Variants in STK32A observed in about 807,000 individuals in gnomAD.
The protein encoded by STK32A is serine/threonine-protein kinase 32A.
Under a neutral mutation model 53.2 loss-of-function variants are expected in STK32A, and 41 were observed. The observed-to-expected ratio is 0.77, with a 90% CI of 0.60 to 1.00. The LOEUF (loss-of-function observed/expected upper bound fraction) is 1.00. Among genes scored for constraint, STK32A ranks in the 50% least tolerant of loss-of-function variants. The pLI, the probability that STK32A is intolerant of heterozygous loss-of-function variation, is 0.00. For missense variants in STK32A, 458 were observed against 485.8 expected, an observed-to-expected ratio of 0.94 and a Z score of 0.54; for synonymous variants, 166 against 162.8, an observed-to-expected ratio of 1.02 and a Z score of -0.15.
chr5:147,255,835 C>T (rs370451125), intron 2 of STK32A, among the ~76,000 whole-genome samples: 29 of 152,248 alleles, frequency 1.9e-4, no homozygotes, highest in South Asian at 1.2e-3. Flanking sequence ...TTGTCACTCA[C>T]CAAAATATTG....
intron 7 of STK32A, among the ~76,000 whole-genome samples, chr5:147,355,876 A>G (rs974549500): frequency 6.6e-6 from 1 of 151,700 alleles, no homozygotes; most frequent in Admixed American, 6.6e-5. Flanking sequence ...ATAGATATTT[A>G]TGGTTTATTT....
chr5:147,283,400 T>C (rs986288847), intron 4 of STK32A, among the ~76,000 whole-genome samples: 4 of 138,778 alleles, frequency 2.9e-5, no homozygotes, highest in African/African-American at 8.0e-5. Flanking sequence ...GAAACAAGAA[T>C]AAACCAAACC....
intron 11 of STK32A, among the ~76,000 whole-genome samples, chr5:147,380,466 C>A (rs1231079625): frequency 2.0e-5 from 3 of 148,640 alleles, no homozygotes; most frequent in Non-Finnish European, 4.4e-5. Context: ...ATTCTAATTC[C>A]TAGGTTAAAA....
intron 8 of STK32A, among the ~76,000 whole-genome samples, chr5:147,367,962 G>C (rs1756840699): frequency 1.3e-5 from 2 of 152,222 alleles, no homozygotes; most frequent in Admixed American, 1.3e-4. Flanking sequence ...CACAGAGGAA[G>C]TGTGCTAAAC....
intron 2 of STK32A, among the ~76,000 whole-genome samples, chr5:147,258,686 CTTT>C (rs55773750): frequency 6.7e-6 from 1 of 148,786 alleles, no homozygotes. Context: ...TCTCCCTCTC[CTTT>C]TTTTTTTTTA....
chr5:147,235,970 T>A (rs1401261695), intron 1 of STK32A, among the ~76,000 whole-genome samples: 2 of 152,240 alleles, frequency 1.3e-5, no homozygotes, highest in Admixed American at 6.5e-5. Context: ...CCCCTATTTT[T>A]AAAATATTTC....
intron 3 of STK32A, 58 bp downstream of exon 3, chr5:147,278,237 G>A (rs1316681666): frequency 7.0e-7 from 1 of 1,427,048 alleles, no homozygotes; most frequent in Non-Finnish European, 9.7e-7. Flanking sequence ...AGGGAACAGA[G>A]GGTCCAGAAA....
chr5:147,367,353 G>A (rs551294598), intron 8 of STK32A, among the ~76,000 whole-genome samples: 87 of 152,072 alleles, frequency 5.7e-4, no homozygotes, highest in Admixed American at 2.9e-3. Flanking sequence ...GGTGTGAGCC[G>A]CCGCACCTGG....
At chr5:147,357,049 A>G (rs927886188) in intron 7 of STK32A, among the ~76,000 whole-genome samples, 1 of 152,188 alleles carries the variant, frequency 6.6e-6, no homozygotes, top group Non-Finnish European at 1.5e-5. Context: ...GAGGTAAGGC[A>G]CATGTTAATT....
chr5:147,384,472 T>C lies in STK32A; in HGVS notation c.*489T>C, dbSNP rs929038823. 3 of 1,490,396 alleles carry C rather than the reference T, an allele frequency of 2.0e-6. No individual in the cohort carries two copies. In the African/African-American group the frequency reaches 4.2e-5, roughly 21 times the overall value. 92.3% of individuals were successfully genotyped at this position (1,490,396 alleles called of 1,614,324 possible). On this transcript the variant is annotated 3_prime_UTR_variant, in exon 13 of 13. Coordinates refer to ENST00000397936, the MANE Select transcript of STK32A (RefSeq NM_001112724.2). Reference sequence around the variant, plus strand: ...ATGCCCCAGGCTACTTGGATAAAGATAAGGAATTCTATCAGGGAGGCATGA... The same window carrying C: ...ATGCCCCAGGCTACTTGGATAAAGACAAGGAATTCTATCAGGGAGGCATGA...
intron 2 of STK32A, chr5:147,240,044 C>G (rs1689375892): frequency 5.0e-6 from 1 of 198,520 alleles, no homozygotes; most frequent in African/African-American, 2.3e-5. Flanking sequence ...TCAACATGTA[C>G]ATGAATGATA....
chr5:147,312,064 A>T (rs1424724628), intron 4 of STK32A, among the ~76,000 whole-genome samples: 3 of 152,122 alleles, frequency 2.0e-5, no homozygotes, highest in Non-Finnish European at 4.4e-5. Context: ...AGACTTACGT[A>T]CAAGTTTCTT....
rs572890560 is a variant in STK32A, at chr5:147,329,351, C to T, written c.434+5280C>T. Among the ~76,000 whole-genome samples, 26 of 152,214 alleles carry T rather than the reference C, an allele frequency of 1.7e-4. No individual in the cohort carries two copies. The South Asian group carries it at 5.4e-3, about 32-fold the overall frequency. On this transcript the variant is annotated intron_variant, in intron 5 of 12. Coordinates refer to ENST00000397936, the MANE Select transcript of STK32A (RefSeq NM_001112724.2). Reference sequence around the variant, plus strand: ...CCTATCATTCTTCTAGAAATCAGTACCTTGACAGTGAAGAAAAAAATCTTA... The same window carrying T: ...CCTATCATTCTTCTAGAAATCAGTATCTTGACAGTGAAGAAAAAAATCTTA...
intron 5 of STK32A, among the ~76,000 whole-genome samples, chr5:147,336,052 T>C (rs1418194481): frequency 1.3e-5 from 2 of 152,164 alleles, no homozygotes; most frequent in East Asian, 3.9e-4. Context: ...TAGAAATCCC[T>C]GGGGTTGGAT....
chr5:147,345,943 G>A (rs1755664155), intron 6 of STK32A, among the ~76,000 whole-genome samples: 1 of 152,208 alleles, frequency 6.6e-6, no homozygotes, highest in Non-Finnish European at 1.5e-5. Flanking sequence ...TGGTACAGAA[G>A]TGAGCAAACA....
In STK32A at chr5:147,387,610, C is replaced by T. The variant is rs1284576977; in HGVS notation, c.*3627C>T. The T allele has an allele frequency of 6.6e-6, 1 of 152,194 alleles. No individual in the cohort carries two copies. Among genetic ancestry groups the T allele is most frequent in the African/African-American group, 2.4e-5 (1 of 41,434 alleles). 9.4% of individuals were successfully genotyped at this position (152,194 alleles called of 1,614,324 possible). A position where few individuals can be genotyped will look rare whatever the true frequency, so the allele number is the denominator to read the frequency against. On this transcript the variant is annotated 3_prime_UTR_variant, in exon 13 of 13. Coordinates refer to ENST00000397936, the MANE Select transcript of STK32A (RefSeq NM_001112724.2). The stretch of plus-strand genomic sequence containing the variant: ...CAAGCTTGTTTCTGTACCCAGTTGT[C>T]CCTGTATTGTCTACATAAAATCCTG...
intron 10 of STK32A, 111 bp from the exon 11 acceptor site, chr5:147,374,979 T>C: frequency 1.2e-6 from 1 of 838,638 alleles, no homozygotes; most frequent in Non-Finnish European, 1.7e-6. Context: ...TCCCAGTGTA[T>C]TATTCATGGA....
At chr5:147,278,220 G>T (rs762632586) in intron 3 of STK32A, 41 bp downstream of exon 3, 1 of 1,522,900 alleles carries the variant, frequency 6.6e-7, no homozygotes, top group Non-Finnish European at 9.0e-7. Context: ...GCAGGGTTAT[G>T]TAGCCCAGGG....
intron 4 of STK32A, among the ~76,000 whole-genome samples, chr5:147,297,978 C>A (rs1234514789): frequency 2.9e-3 from 391 of 135,822 alleles, no homozygotes; most frequent in Middle Eastern, 7.6e-3. Flanking sequence ...GACTCTGTCT[C>A]AAAAAAAAAA....
Sources: allele counts gnomAD v4.1 joint callset (sites outside exome capture counted in the v4.1 genomes callset), GRCh38; gene constraint gnomAD v4.1.1; transcripts MANE v1.5; gene names NCBI Gene and HGNC (gene_info 2026-07-23, HGNC 2026-07-21).